RAPGEF4: variants seen among roughly 807,000 people sequenced by gnomAD.
RAPGEF4 encodes the protein RAP guanine-nucleotide-exchange factor (GEF) 4.
A neutral mutation model predicts 147.9 loss-of-function variants in RAPGEF4; 66 were observed. The ratio of observed to expected loss-of-function variants is 0.45; its 90% CI spans 0.37 to 0.55. The LOEUF is 0.55. Among genes scored for constraint, RAPGEF4 ranks in the 20% least tolerant of loss-of-function variants. The probability of loss-of-function intolerance (pLI) is 0.00; values close to 1 mark genes in which losing one functional copy is unlikely to be tolerated. For missense variants in RAPGEF4, 1,071 were observed against 1,257.3 expected, an observed-to-expected ratio of 0.85 and a Z score of 2.24; for synonymous variants, 419 against 442.7, an observed-to-expected ratio of 0.95 and a Z score of 0.67.
intron 4 of RAPGEF4, among the ~76,000 whole-genome samples, chr2:172,823,095 A>C (rs1479113089): frequency 6.6e-6 from 1 of 152,242 alleles, no homozygotes; most frequent in Non-Finnish European, 1.5e-5. Flanking sequence ...GGGGCAGAGC[A>C]AGAAGAGATC....
chr2:172,826,063 A>G (rs1689636084), intron 4 of RAPGEF4, among the ~76,000 whole-genome samples: 2 of 152,220 alleles, frequency 1.3e-5, no homozygotes, highest in African/African-American at 4.8e-5. Flanking sequence ...ACCATGATCT[A>G]TGGTCATCCC....
intron 4 of RAPGEF4, among the ~76,000 whole-genome samples, chr2:172,861,290 A>G (rs1694017422): frequency 6.6e-6 from 1 of 152,256 alleles, no homozygotes; most frequent in African/African-American, 2.4e-5. Flanking sequence ...AAGTGTGAGC[A>G]TACAGCATAC....
chr2:173,033,940 C>G lies in RAPGEF4; in HGVS notation c.2676C>G (p.Phe892Leu). 1 of 1,613,112 alleles carries G rather than the reference C, an allele frequency of 6.2e-7. No homozygotes were observed. The highest frequency in any genetic ancestry group is 8.5e-7 in the Non-Finnish European group (1 of 1,179,750). The change falls in exon 27 of 31, where the codon TTC becomes TTG. Residue 892 changes from phenylalanine (F) to leucine (L), a missense_variant. Coordinates refer to ENST00000397081, the MANE Select transcript of RAPGEF4 (RefSeq NM_007023.4). ...WEKLPSKFKK[F>L]YAEFESLMDP... ...AACTGCCAAGCAAGTTCAAGAAGTTCTATGCGGAGTTTGAAAGTTTAATGG... is the reference window on the plus strand; with the variant it reads ...AACTGCCAAGCAAGTTCAAGAAGTTGTATGCGGAGTTTGAAAGTTTAATGG...
chr2:172,872,041 G>A (rs538807819), intron 4 of RAPGEF4, among the ~76,000 whole-genome samples: 1 of 152,206 alleles, frequency 6.6e-6, no homozygotes, highest in Non-Finnish European at 1.5e-5. Context: ...TAGCATATCT[G>A]AAAACAAACC....
chr2:172,907,496 T>G (rs908996719), intron 4 of RAPGEF4, among the ~76,000 whole-genome samples: 1 of 152,372 alleles, frequency 6.6e-6, no homozygotes, highest in South Asian at 2.1e-4. Flanking sequence ...CTGGGCTTTC[T>G]CTCTTGTGCT....
chr2:172,805,839 G>A, intron 3 of RAPGEF4, among the ~76,000 whole-genome samples: 1 of 152,148 alleles, frequency 6.6e-6, no homozygotes, highest in Admixed American at 6.5e-5. Context: ...AGGGCTAAAA[G>A]TCAGATATTT....
intron 3 of RAPGEF4, among the ~76,000 whole-genome samples, chr2:172,799,602 G>A (rs1299647782): frequency 6.6e-6 from 1 of 152,124 alleles, no homozygotes; most frequent in Non-Finnish European, 1.5e-5. Flanking sequence ...GATGTTCCCT[G>A]GGGACAGGGC....
chr2:172,907,097 C>T (rs1378556964), intron 4 of RAPGEF4, among the ~76,000 whole-genome samples: 2 of 152,256 alleles, frequency 1.3e-5, no homozygotes, highest in Non-Finnish European at 2.9e-5. Context: ...CTCTGCCAGC[C>T]TTCCAGCCAG....
chr2:173,020,227 G>C (rs1383084260), intron 22 of RAPGEF4, among the ~76,000 whole-genome samples: 1 of 152,066 alleles, frequency 6.6e-6, no homozygotes, highest in Admixed American at 6.5e-5. Context: ...AATCATGTGA[G>C]GTCTCAGAAA....
intron 4 of RAPGEF4, among the ~76,000 whole-genome samples, chr2:172,901,158 C>T (rs185244725): frequency 7.2e-5 from 11 of 152,150 alleles, no homozygotes; most frequent in African/African-American, 2.6e-4. Flanking sequence ...AGAATAAAAC[C>T]GAAATCATAA....
At chr2:172,798,201 T>C (rs779807805) in intron 3 of RAPGEF4, among the ~76,000 whole-genome samples, 2 of 152,078 alleles carry the variant, frequency 1.3e-5, no homozygotes, top group Non-Finnish European at 2.9e-5. Flanking sequence ...GAGTTTGGCA[T>C]CCTAGTAGAT....
At position 173,014,520 on chromosome 2, in the gene RAPGEF4, A is replaced by G. The variant is rs201425570; in HGVS notation, c.1715A>G (p.Asn572Ser). ...TEQEKMDYAL[N>S]NKRRVIRLVL... ...CAGGAGAAAATGGATTATGCCCTCA[A>G]CAATAAGAGGCGAGTCATCCGCCTG... The change falls in exon 18 of 31, where the codon AAC (asparagine) becomes AGC (serine). Residue 572 changes from asparagine to serine, a missense_variant. Asn to Ser is a conservative substitution (Grantham distance 46). Transcript: ENST00000397081. 1,513 of 1,614,176 alleles carry G rather than the reference A, an allele frequency of 9.4e-4. 6 individuals are homozygous for G. Among genetic ancestry groups the G allele is most frequent in the South Asian group, 2.0e-3 (184 of 91,082 alleles).
At chr2:172,804,360 T>A (rs917785145) in intron 3 of RAPGEF4, among the ~76,000 whole-genome samples, 1 of 152,198 alleles carries the variant, frequency 6.6e-6, no homozygotes, top group East Asian at 1.9e-4. Context: ...TCCTGAATTT[T>A]TTGAATACTG....
chr2:173,036,489 G>C, intron 28 of RAPGEF4, 139 bp from the exon 29 acceptor site: 2 of 698,106 alleles, frequency 2.9e-6, no homozygotes, highest in Non-Finnish European at 4.8e-6. Flanking sequence ...TAAACACCTA[G>C]CATTAAAGGA....
intron 1 of RAPGEF4, among the ~76,000 whole-genome samples, chr2:172,793,748 AT>A (rs765704066): frequency 6.6e-5 from 10 of 152,180 alleles, no homozygotes. Context: ...TGGTTCTTTG[AT>A]TTATCTTAAT....
chr2:173,016,077 C>T (rs1474983015), intron 18 of RAPGEF4, among the ~76,000 whole-genome samples: 1 of 152,010 alleles, frequency 6.6e-6, no homozygotes, highest in African/African-American at 2.4e-5. Context: ...CCATTGTAAC[C>T]ATTTTTAGGT....
chr2:173,013,338 T>C (rs1695199399), intron 17 of RAPGEF4, among the ~76,000 whole-genome samples: 1 of 152,204 alleles, frequency 6.6e-6, no homozygotes, highest in South Asian at 2.1e-4. Context: ...GAGTCTTGCA[T>C]TCGCAACCTC....
Position 172,996,469 on chromosome 2 carries a change from T to C in RAPGEF4, c.1494T>C (p.Tyr498=), listed in dbSNP as rs753717857. The change falls in exon 16 of 31, where the codon TAT becomes TAC. Residue 498 remains tyrosine, a synonymous_variant. Transcript: ENST00000397081. ...GGCATTTTTGTTTCTTATCCAGGTA[T>C]ACTGTGATGTCAGGAACACCTGAAA... ...NQGNSQPQQK[Y]TVMSGTPEKI... The C allele has an allele frequency of 3.2e-6, 5 of 1,557,458 alleles. No homozygotes were observed. The African/African-American group carries it at 5.6e-5, about 18-fold the overall frequency.
chr2:173,001,890 G>C (rs62175771), intron 17 of RAPGEF4, among the ~76,000 whole-genome samples: 1 of 148,712 alleles, frequency 6.7e-6, no homozygotes, highest in Non-Finnish European at 1.5e-5. Context: ...CAGCATTGAG[G>C]ATTACATTTC....
Sources: gnomAD v4.1 joint callset for allele counts (sites outside exome capture counted in the v4.1 genomes callset) on GRCh38, gnomAD v4.1.1 for gene constraint, MANE v1.5 for transcripts, NCBI Gene and HGNC (gene_info 2026-07-23, HGNC 2026-07-21) for gene names.